The following CCSER1 variants were observed in gnomAD, a reference collection of about 807,000 sequenced individuals.
The protein encoded by CCSER1 is coiled-coil serine rich protein 1, also known as serine-rich coiled-coil domain-containing protein 1.
In CCSER1, 41 loss-of-function variants were observed where a neutral mutation model predicts 82.0. That is an observed-to-expected ratio of 0.50 (90% confidence interval 0.39 to 0.65). The LOEUF (loss-of-function observed/expected upper bound fraction) is 0.65. CCSER1 is among the 30% of genes least tolerant of loss of function. The pLI is 0.00. For missense variants in CCSER1, 1,119 were observed against 1,064.2 expected, an observed-to-expected ratio of 1.05 and a Z score of -0.72; for synonymous variants, 414 against 383.9, an observed-to-expected ratio of 1.08 and a Z score of -0.92.
chr4:90,505,806 A>C (rs1292357616), intron 5 of CCSER1, among the ~76,000 whole-genome samples: 2 of 152,050 alleles, frequency 1.3e-5, no homozygotes, highest in Non-Finnish European at 2.9e-5. Flanking sequence ...TTTTTTTGCC[A>C]TCTTGGTTTT....
rs571204723 is a variant in CCSER1, at chr4:91,106,251, G to A, written c.2217+20257G>A. Among the ~76,000 whole-genome samples the A allele has an allele frequency of 3.9e-5, 6 of 152,224 alleles. No homozygotes were observed. The East Asian group carries it at 9.7e-4, about 25-fold the overall frequency. ...TCCAGTAAACTTTAGAAATAGTCAC[G>A]ATTATTCTCATTTTAATACAGAAGA... On this transcript the variant is annotated intron_variant, in intron 10 of 10. Coordinates refer to ENST00000509176, the MANE Select transcript of CCSER1 (RefSeq NM_001145065.2).
intron 8 of CCSER1, among the ~76,000 whole-genome samples, chr4:90,838,097 C>G (rs1186684296): frequency 6.6e-6 from 1 of 151,810 alleles, no homozygotes; most frequent in East Asian, 1.9e-4. Flanking sequence ...TCTTTTTAGT[C>G]TATCAAAATT....
At chr4:91,565,688 T>C (rs1762856306) in intron 10 of CCSER1, among the ~76,000 whole-genome samples, 1 of 152,124 alleles carries the variant, frequency 6.6e-6, no homozygotes, top group African/African-American at 2.4e-5. Flanking sequence ...CTTTCTGATA[T>C]GGCTCTCAGT....
intron 5 of CCSER1, among the ~76,000 whole-genome samples, chr4:90,592,855 T>G (rs1054052711): frequency 1.3e-5 from 2 of 152,262 alleles, no homozygotes; most frequent in East Asian, 3.9e-4. Context: ...AGTTCAGACT[T>G]CAAATTCTGG....
intron 5 of CCSER1, among the ~76,000 whole-genome samples, chr4:90,575,636 T>C (rs1196176803): frequency 6.6e-6 from 1 of 152,242 alleles, no homozygotes; most frequent in Non-Finnish European, 1.5e-5. Flanking sequence ...CAAGCCTCTA[T>C]GTATCATCAT....
At chr4:90,641,150 A>G (rs1230641179) in intron 6 of CCSER1, among the ~76,000 whole-genome samples, 1 of 152,138 alleles carries the variant, frequency 6.6e-6, no homozygotes, top group African/African-American at 2.4e-5. Flanking sequence ...ATTAATCTAA[A>G]ATATATTTTA....
At chr4:90,388,879 G>A (rs561815433) in intron 3 of CCSER1, among the ~76,000 whole-genome samples, 4 of 152,174 alleles carry the variant, frequency 2.6e-5, no homozygotes, top group East Asian at 3.9e-4. Context: ...CAGGAGATCT[G>A]CCCGCCTTGG....
chr4:90,695,117 C>T (rs144404027), intron 6 of CCSER1, among the ~76,000 whole-genome samples: 244 of 150,032 alleles, frequency 1.6e-3, no homozygotes, highest in African/African-American at 5.7e-3. Context: ...TCTCCATACA[C>T]TTTGGCAACT....
chr4:91,083,366 A>G (rs1723003350), intron 9 of CCSER1, among the ~76,000 whole-genome samples: 1 of 151,900 alleles, frequency 6.6e-6, no homozygotes, highest in African/African-American at 2.4e-5. Context: ...AACAATAAGA[A>G]CACACAGACA....
chr4:91,032,412 G>A (rs973526781), intron 9 of CCSER1, among the ~76,000 whole-genome samples: 3 of 152,106 alleles, frequency 2.0e-5, no homozygotes, highest in African/African-American at 7.2e-5. Flanking sequence ...CTACAAAAAA[G>A]GAGAAAAAGG....
At chr4:90,921,707 T>C (rs1051633936) in intron 8 of CCSER1, among the ~76,000 whole-genome samples, 2 of 151,996 alleles carry the variant, frequency 1.3e-5, no homozygotes, top group Non-Finnish European at 2.9e-5. Flanking sequence ...AATGGAAGCA[T>C]TTGGCAGCTA....
chr4:90,996,554 G>T (rs1449091160), intron 9 of CCSER1, among the ~76,000 whole-genome samples: 1 of 152,112 alleles, frequency 6.6e-6, no homozygotes, highest in Non-Finnish European at 1.5e-5. Context: ...AGCTGAGGGA[G>T]AATTATGTAA....
At chr4:91,255,063 T>C (rs1039462830) in intron 10 of CCSER1, among the ~76,000 whole-genome samples, 12 of 152,198 alleles carry the variant, frequency 7.9e-5, no homozygotes, top group African/African-American at 2.9e-4. Context: ...GCAAACACTG[T>C]CAAGCAGAAA....
intron 7 of CCSER1, among the ~76,000 whole-genome samples, chr4:90,807,233 A>G (rs1757639318): frequency 6.6e-6 from 1 of 152,152 alleles, no homozygotes; most frequent in African/African-American, 2.4e-5. Context: ...CTACTATGCT[A>G]ATATTAATAT....
At chr4:91,312,041 A>C (rs1560582788) in intron 10 of CCSER1, among the ~76,000 whole-genome samples, 1 of 151,862 alleles carries the variant, frequency 6.6e-6, no homozygotes, top group African/African-American at 2.4e-5. Context: ...AAGCTAAAAA[A>C]CATCAAACAT....
At chr4:90,737,785 CT>C (rs75813790) in intron 7 of CCSER1, among the ~76,000 whole-genome samples, 39,151 of 151,910 alleles carry the variant, frequency 0.26, 5,838 homozygotes, top group East Asian at 0.34. Flanking sequence ...GTGCTTCATT[CT>C]TTTTACTTTT....
At chr4:90,668,421 C>T (rs1482129496) in intron 6 of CCSER1, among the ~76,000 whole-genome samples, 1 of 152,106 alleles carries the variant, frequency 6.6e-6, no homozygotes, top group East Asian at 1.9e-4. Flanking sequence ...AAATATTAGC[C>T]TGTTGCCATT....
At chr4:90,692,963 CTT>C (rs1736290696) in intron 6 of CCSER1, among the ~76,000 whole-genome samples, 3 of 151,702 alleles carry the variant, frequency 2.0e-5, no homozygotes, top group Admixed American at 2.0e-4. Context: ...ATGTTTGTCT[CTT>C]TATTTGTGGA....
intron 1 of CCSER1, among the ~76,000 whole-genome samples, chr4:90,222,264 A>G (rs1742293517): frequency 6.6e-6 from 1 of 152,188 alleles, no homozygotes; most frequent in Admixed American, 6.5e-5. Flanking sequence ...AGAGACCTGG[A>G]TAAAATAATT....
Sources: allele counts gnomAD v4.1 joint callset (sites outside exome capture counted in the v4.1 genomes callset), GRCh38; gene constraint gnomAD v4.1.1; transcripts MANE v1.5; gene names NCBI Gene and HGNC (gene_info 2026-07-23, HGNC 2026-07-21).